The following ZCRB1 variants were observed in gnomAD, a reference collection of about 807,000 sequenced individuals.
ZCRB1 encodes the protein zinc finger CCHC-type and RNA binding motif containing 1.
Under a neutral mutation model 29.9 loss-of-function variants are expected in ZCRB1, and 21 were observed. The ratio of observed to expected loss-of-function variants is 0.70; its 90% CI spans 0.50 to 1.01. The LOEUF (loss-of-function observed/expected upper bound fraction) is 1.01, where lower values mean the gene tolerates loss of function less well. Ranked by LOEUF, ZCRB1 falls within the 50% of genes least tolerant of loss-of-function variation. The probability of loss-of-function intolerance (pLI) is 0.00; values close to 1 mark genes in which losing one functional copy is unlikely to be tolerated. For synonymous variants in ZCRB1, 77 were observed against 80.0 expected, an observed-to-expected ratio of 0.96 and a Z score of 0.20; for missense variants, 204 against 253.3, an observed-to-expected ratio of 0.81 and a Z score of 1.32.
rs765830585 is a variant in ZCRB1 at position 42,324,045 on chromosome 12, A to G, written c.58T>C (p.Ser20Pro). The change falls in exon 2 of 8, where the codon TCC (serine) becomes CCC (proline). Residue 20 changes from serine to proline, a missense_variant. Transcript: ENST00000266529. Reference protein sequence around the residue: ...STVYVSNLPFSLTNNDLYRIF... With the variant: ...STVYVSNLPFPLTNNDLYRIF... The stretch of plus-strand genomic sequence containing the variant: ...CGGTACAAGTCATTGTTTGTCAGGG[A>G]AAAAGGCAAGTTGGATACATACACT... 6.2e-7 allele frequency: 1 copy of G among 1,613,420 alleles called. No individual in the cohort carries two copies. Among genetic ancestry groups the G allele is most frequent in the Non-Finnish European group, 8.5e-7 (1 of 1,179,480 alleles).
At chr12:42,325,544 T>C (rs1325629493) in intron 1 of ZCRB1, 1 of 152,006 alleles carries the variant, frequency 6.6e-6, no homozygotes, top group Non-Finnish European at 1.5e-5. Context: ...ACCGTGAAAA[T>C]ATCAGGCTCA....
intron 3 of ZCRB1, among the ~76,000 whole-genome samples, chr12:42,319,847 G>C (rs533072979): frequency 4.6e-5 from 7 of 152,148 alleles, no homozygotes; most frequent in Non-Finnish European, 1.0e-4. Context: ...GGGAAAAGTA[G>C]TTTCTAAAAG....
Position 42,313,938 on chromosome 12 carries a change from G to A in ZCRB1, c.382C>T (p.Arg128Cys), listed in dbSNP as rs768185852. Residue 128 changes from arginine to cysteine, a missense_variant, in exon 6 of 8, where the codon CGT becomes TGT. Physicochemically the swap from Arg to Cys is radical, Grantham distance 180. Transcript: ENST00000266529. The part of the protein sequence containing the change: ...YACPKNMLGE[R>C]EPPKKKEKKK... ...TTTTCTTTCTTCTTTGGAGGCTCAC[G>A]TTCTCCGAGCATATTTTTCGGACAG... 8 of 1,603,532 alleles carry A rather than the reference G, an allele frequency of 5.0e-6. No individual in the cohort carries two copies. The highest frequency in any genetic ancestry group is 2.2e-5 in the East Asian group (1 of 44,802).
chr12:42,322,190 T>C (rs73285621), intron 3 of ZCRB1, among the ~76,000 whole-genome samples: 3,063 of 151,990 alleles, frequency 0.02, 95 homozygotes, highest in African/African-American at 0.07. Flanking sequence ...TTATGGTATG[T>C]CAAATTAAAA....
At chr12:42,318,986 A>G (rs1465666976) in intron 3 of ZCRB1, among the ~76,000 whole-genome samples, 1 of 152,202 alleles carries the variant, frequency 6.6e-6, no homozygotes. Context: ...CTTGCTTACA[A>G]CAGAATGCCA....
At chr12:42,321,494 G>A (rs1248113765) in intron 3 of ZCRB1, among the ~76,000 whole-genome samples, 1 of 152,170 alleles carries the variant, frequency 6.6e-6, no homozygotes, top group Non-Finnish European at 1.5e-5. Flanking sequence ...GCATATATAT[G>A]TGCTCATTTA....
At chr12:42,321,054 C>T (rs1343872739) in intron 3 of ZCRB1, among the ~76,000 whole-genome samples, 1 of 152,142 alleles carries the variant, frequency 6.6e-6, no homozygotes, top group Admixed American at 6.6e-5. Context: ...ATTCCCTCTA[C>T]CTGAAATATT....
At chr12:42,316,709 A>C (rs894766125) in intron 5 of ZCRB1, among the ~76,000 whole-genome samples, 6 of 152,358 alleles carry the variant, frequency 3.9e-5, no homozygotes, top group Admixed American at 3.9e-4. Flanking sequence ...AAAACTGTTA[A>C]AGAAACAGGC....
Position 42,316,507 on chromosome 12 carries a change from G to GTC in ZCRB1, c.333+831_333+832dup, listed in dbSNP as rs1424817419. Reference sequence around the variant, plus strand: ...CCTTATACAAAATTATTCTATGGCTGTCTCTCTCTCTTCATCACCAAAACT... The same window carrying GTC: ...CCTTATACAAAATTATTCTATGGCTGTCTCTCTCTCTCTTCATCACCAAAACT... On this transcript the variant is annotated intron_variant, in intron 5 of 7. Coordinates refer to ENST00000266529, the MANE Select transcript of ZCRB1 (RefSeq NM_033114.4). Among the ~76,000 whole-genome samples the GTC allele has an allele frequency of 2.0e-5, 3 of 152,142 alleles. No individual in the cohort carries two copies. The South Asian group carries it at 6.2e-4, about 32-fold the overall frequency.
At chr12:42,313,407 C>A (rs1183692075) in intron 7 of ZCRB1, among the ~76,000 whole-genome samples, 3 of 152,140 alleles carry the variant, frequency 2.0e-5, no homozygotes, top group Non-Finnish European at 4.4e-5. Context: ...TTAAAAAAAT[C>A]TTTTCTGTTG....
chr12:42,315,168 C>T (rs1423254295), intron 5 of ZCRB1, among the ~76,000 whole-genome samples: 1 of 152,136 alleles, frequency 6.6e-6, no homozygotes. Flanking sequence ...TAGTAACATA[C>T]GTGGCTTGCA....
rs550392719 is a variant in ZCRB1, at chr12:42,314,652, C to T, written c.334-666G>A. 6.6e-5 allele frequency among the ~76,000 whole-genome samples: 10 copies of T among 151,840 alleles called. No individual in the cohort carries two copies. The South Asian group carries it at 1.0e-3, about 16-fold the overall frequency. ...TAAACATCTTAAGTTATTGATAAAACGAGGATAAAACTATTCCTGTTAATT... is the reference window on the plus strand; with the variant it reads ...TAAACATCTTAAGTTATTGATAAAATGAGGATAAAACTATTCCTGTTAATT... On this transcript the variant is annotated intron_variant, in intron 5 of 7. Transcript: ENST00000266529.
chr12:42,324,368 G>C (rs897965711), intron 1 of ZCRB1, among the ~76,000 whole-genome samples: 2 of 151,964 alleles, frequency 1.3e-5, no homozygotes, highest in Non-Finnish European at 2.9e-5. Flanking sequence ...GGCTGGTCTT[G>C]AACTCCTGAC....
chr12:42,318,930 CT>C (rs2068608056), intron 3 of ZCRB1, among the ~76,000 whole-genome samples: 2 of 152,038 alleles, frequency 1.3e-5, no homozygotes, highest in Non-Finnish European at 2.9e-5. Flanking sequence ...ATAATTCTTA[CT>C]GATAAAAGAC....
rs995538131 is a variant in ZCRB1 at position 42,322,405 on chromosome 12, T to C, written c.113+13A>G. ...TTTTAAATGAAGTTACAAAATTTAATGTGAATACTTACTTTACAACTTTGC... is the reference window on the plus strand; with the variant it reads ...TTTTAAATGAAGTTACAAAATTTAACGTGAATACTTACTTTACAACTTTGC... On this transcript the variant is annotated intron_variant, in intron 3 of 7. Transcript: ENST00000266529. 2.0e-6 allele frequency: 3 copies of C among 1,464,910 alleles called. No individual in the cohort carries two copies. The highest frequency in any genetic ancestry group is 2.5e-5 in the East Asian group (1 of 39,828). 90.7% of individuals were successfully genotyped at this position (1,464,910 alleles called of 1,614,324 possible). A position where few individuals can be genotyped will look rare whatever the true frequency, so the allele number is the denominator to read the frequency against.
chr12:42,317,452 A>G lies in ZCRB1; in HGVS notation c.226-5T>C. ...TTTTATCACTCTACCAAATAACTAA[A>G]CAAGAGAAAAATGTAAATGTAGAAT... On this transcript the variant is annotated splice_polypyrimidine_tract_variant and splice_region_variant and intron_variant, in intron 4 of 7. Transcript: ENST00000266529. 1 of 1,581,142 alleles carries G rather than the reference A, an allele frequency of 6.3e-7. No individual in the cohort carries two copies. The highest frequency in any genetic ancestry group is 1.4e-5 in the African/African-American group (1 of 73,606).
At chr12:42,323,927 A>C in intron 2 of ZCRB1, 92 bp downstream of exon 2, 1 of 1,249,832 alleles carries the variant, frequency 8.0e-7, no homozygotes, top group East Asian at 2.3e-5. Context: ...AAAAAGAAAA[A>C]AAAAAAAAGG....
rs770407798 is a variant in ZCRB1, at chr12:42,324,147, G to A, written c.-2-43C>T. 13 of 1,574,012 alleles carry A rather than the reference G, an allele frequency of 8.3e-6. No homozygotes were observed. In the Admixed American group the frequency reaches 2.2e-4, roughly 26 times the overall value. On this transcript the variant is annotated intron_variant, in intron 1 of 7. Transcript: ENST00000266529. Reference sequence around the variant, plus strand: ...CTTATCAGCAATCAGTCTAAACCAGGATTCTTTTTTTGTTGTTTGAGACGG... The same window carrying A: ...CTTATCAGCAATCAGTCTAAACCAGAATTCTTTTTTTGTTGTTTGAGACGG...
Position 42,324,057 on chromosome 12 carries a change from T to C in ZCRB1, c.46A>G (p.Asn16Asp), listed in dbSNP as rs140548072. The C allele has an allele frequency of 1.6e-4, 253 of 1,614,112 alleles. No individual in the cohort carries two copies. Among genetic ancestry groups the C allele is most frequent in the Non-Finnish European group, 2.1e-4 (242 of 1,180,054 alleles). ...TTGTTTGTCAGGGAAAAAGGCAAGT[T>C]GGATACATACACTGTGCTCTTACTT... is the stretch of plus-strand genomic sequence containing the variant. ...APSKSTVYVS[N>D]LPFSLTNNDL... Residue 16 changes from asparagine (N) to aspartate (D), a missense_variant, in exon 2 of 8, where the codon AAC becomes GAC. Coordinates refer to ENST00000266529, the MANE Select transcript of ZCRB1 (RefSeq NM_033114.4).
Sources: allele counts gnomAD v4.1 joint callset (sites outside exome capture counted in the v4.1 genomes callset), GRCh38; gene constraint gnomAD v4.1.1; transcripts MANE v1.5; gene names NCBI Gene and HGNC (gene_info 2026-07-23, HGNC 2026-07-21).